STAT5B: variants seen among roughly 807,000 people sequenced by gnomAD.
STAT5B encodes the protein signal transducer and activator of transcription 5B, also known as transcription factor STAT5B.
In STAT5B, 21 loss-of-function variants were observed where a neutral mutation model predicts 107.8. The observed-to-expected ratio is 0.19, with a 90% confidence interval of 0.14 to 0.28. The LOEUF is 0.28. STAT5B is among the 10% of genes least tolerant of loss of function. The pLI is 1.00. For missense variants in STAT5B, 565 were observed against 1,008.2 expected (o/e 0.56, Z 5.95); for synonymous variants, 325 against 401.7 (o/e 0.81, Z 2.28).
chr17:42,216,165 C>T (rs75601617), intron 11 of STAT5B, 59 bp from the exon 12 acceptor site: 2 of 1,129,790 alleles, frequency 1.8e-6, no homozygotes, highest in Non-Finnish European at 2.4e-6. Context: ...CTCCTTCTCT[C>T]TTTTTTTTTT....
intron 1 of STAT5B, among the ~76,000 whole-genome samples, chr17:42,246,203 C>A (rs1272308686): frequency 6.6e-6 from 1 of 152,040 alleles, no homozygotes; most frequent in South Asian, 2.1e-4. Flanking sequence ...CCCACAGGAA[C>A]CAAGTTTAAA....
chr17:42,236,140 G>T (rs115765271), intron 1 of STAT5B, among the ~76,000 whole-genome samples: 1,797 of 152,258 alleles, frequency 0.012, 28 homozygotes, highest in African/African-American at 0.042. Flanking sequence ...AAGGATAATA[G>T]CTGGTAAATA....
chr17:42,263,871 G>GCGCACACACACACA (rs1007528555), intron 1 of STAT5B, among the ~76,000 whole-genome samples: 5 of 144,936 alleles, frequency 3.4e-5, no homozygotes, highest in African/African-American at 1.0e-4. Context: ...TAGAAAGCGC[G>GCGCACACACACACA]CACACACACA....
At position 42,201,792 on chromosome 17, in the gene STAT5B, C is replaced by T; in HGVS notation, c.2310G>A (p.Glu770=). The change falls in exon 19 of 19, where the codon GAG becomes GAA. Residue 770 remains glutamate, a synonymous_variant. Transcript: ENST00000293328. ...TGTCCATTGGCCGGCCCAGGAGCTC[C>T]TCCACACGCCGCGCTACGTCCATTG... The part of the protein sequence containing the change: ...EDTMDVARRV[E]ELLGRPMDSQ... The T allele has an allele frequency of 6.2e-7, 1 of 1,614,160 alleles. No individual in the cohort carries two copies. Among genetic ancestry groups the T allele is most frequent in the Non-Finnish European group, 8.5e-7 (1 of 1,180,028 alleles).
intron 1 of STAT5B, among the ~76,000 whole-genome samples, chr17:42,240,817 T>C (rs2080395761): frequency 6.6e-6 from 1 of 152,218 alleles, no homozygotes; most frequent in Non-Finnish European, 1.5e-5. Context: ...CTTTTCTGCC[T>C]GTTTGTTATA....
intron 1 of STAT5B, among the ~76,000 whole-genome samples, chr17:42,246,736 A>C (rs1240650595): frequency 6.6e-6 from 1 of 152,210 alleles, no homozygotes; most frequent in Non-Finnish European, 1.5e-5. Flanking sequence ...GCAGTGAGCT[A>C]TGATCACGCC....
At chr17:42,214,389 C>T (rs1466602538) in intron 12 of STAT5B, 13 of 984,966 alleles carry the variant, frequency 1.3e-5, no homozygotes, top group Non-Finnish European at 1.4e-5. Flanking sequence ...GCTTCTGATT[C>T]AGAGTTTGTA....
intron 2 of STAT5B, among the ~76,000 whole-genome samples, chr17:42,231,599 C>T (rs1362970647): frequency 6.6e-6 from 1 of 152,192 alleles, no homozygotes; most frequent in Non-Finnish European, 1.5e-5. Flanking sequence ...GCCTTGGCCT[C>T]CCAAAGTGTT....
At chr17:42,240,561 G>C (rs1357516431) in intron 1 of STAT5B, among the ~76,000 whole-genome samples, 15 of 152,160 alleles carry the variant, frequency 9.9e-5, no homozygotes, top group Admixed American at 9.8e-4. Flanking sequence ...TCCGGAATTA[G>C]ATAGTGGTGA....
intron 1 of STAT5B, among the ~76,000 whole-genome samples, chr17:42,246,932 G>T (rs947360007): frequency 6.6e-6 from 1 of 152,328 alleles, no homozygotes; most frequent in South Asian, 2.1e-4. Context: ...AACCTCAGCT[G>T]TTGGTTCCTA....
At chr17:42,239,928 C>T (rs1020083497) in intron 1 of STAT5B, among the ~76,000 whole-genome samples, 1 of 152,142 alleles carries the variant, frequency 6.6e-6, no homozygotes, top group African/African-American at 2.4e-5. Context: ...GAGCTCGAGA[C>T]CAGCCTGGCC....
intron 5 of STAT5B, among the ~76,000 whole-genome samples, chr17:42,222,161 TGTGTGTG>T (rs111298604): frequency 2.5e-4 from 37 of 146,660 alleles, no homozygotes; most frequent in African/African-American, 8.8e-4. Flanking sequence ...GTGTGTGTGA[TGTGTGTG>T]GTGTGTGTGT....
At chr17:42,220,014 A>T (rs1352242820) in intron 5 of STAT5B, among the ~76,000 whole-genome samples, 172 bp from the exon 6 acceptor site, 1 of 152,190 alleles carries the variant, frequency 6.6e-6, no homozygotes, top group Non-Finnish European at 1.5e-5. Context: ...GTGCCCCAGG[A>T]GGCGCCTCTG....
chr17:42,246,674 G>A (rs538300858), intron 1 of STAT5B, among the ~76,000 whole-genome samples: 10 of 152,260 alleles, frequency 6.6e-5, no homozygotes, highest in Non-Finnish European at 1.3e-4. Context: ...CACTTCTGCA[G>A]TCCAAGCTAC....
chr17:42,252,538 T>C (rs560346820), intron 1 of STAT5B, among the ~76,000 whole-genome samples: 18 of 152,320 alleles, frequency 1.2e-4, no homozygotes, highest in African/African-American at 4.3e-4. Flanking sequence ...ACAATTTTTA[T>C]AGACCTCCAT....
Position 42,219,455 on chromosome 17 carries a change from G to C in STAT5B, c.690C>G (p.Ala230=). The C allele has an allele frequency of 7.0e-7, 1 of 1,437,336 alleles. No individual in the cohort carries two copies. The highest frequency in any genetic ancestry group is 9.4e-7 in the Non-Finnish European group (1 of 1,065,348). The allele number at this position is 1,437,336 out of a possible 1,614,324, so 89.0% of individuals were successfully genotyped here. A position where few individuals can be genotyped will look rare whatever the true frequency, so the allele number is the denominator to read the frequency against. The part of the protein sequence containing the change: ...QTLQQYRVEL[A]EKHQKTLQLL... The stretch of plus-strand genomic sequence containing the variant: ...GCTGCAGGGTCTTCTGGTGCTTCTC[G>C]GCCAGCTCCTGAGGGAAGGGAGGAG... Residue 230 remains alanine (A), a synonymous_variant, in exon 7 of 19, where the codon GCC becomes GCG. Transcript: ENST00000293328.
At chr17:42,214,859 C>T (rs1158324060) in intron 12 of STAT5B, among the ~76,000 whole-genome samples, 1 of 152,064 alleles carries the variant, frequency 6.6e-6, no homozygotes, top group East Asian at 1.9e-4. Context: ...AGGCGATCCT[C>T]CCGCCTCAGC....
upstream of STAT5B, among the ~76,000 whole-genome samples, chr17:42,280,589 T>C (rs1418801925): frequency 1.3e-5 from 2 of 152,186 alleles, no homozygotes; most frequent in Non-Finnish European, 2.9e-5. Flanking sequence ...AATGTCCCTT[T>C]TTCCCTGTGG....
intron 1 of STAT5B, among the ~76,000 whole-genome samples, chr17:42,252,143 G>C (rs921620555): frequency 6.6e-6 from 1 of 152,146 alleles, no homozygotes; most frequent in Non-Finnish European, 1.5e-5. Context: ...TGATACAGAA[G>C]GCAACTTCTG....
Sources: allele counts gnomAD v4.1 joint callset (sites outside exome capture counted in the v4.1 genomes callset), GRCh38; gene constraint gnomAD v4.1.1; transcripts MANE v1.5; gene names NCBI Gene and HGNC (gene_info 2026-07-23, HGNC 2026-07-21).